SPECC1: variants seen among roughly 807,000 people sequenced by gnomAD.
SPECC1 encodes sperm antigen with calponin homology and coiled-coil domains 1.
SPECC1 carries 62 observed loss-of-function variants against 104.1 expected under a neutral mutation model. The observed-to-expected ratio is 0.60, with a 90% CI of 0.49 to 0.74. The LOEUF is 0.74. SPECC1 is among the 30% of genes least tolerant of loss of function. SPECC1 has a pLI of 0.00. For synonymous variants in SPECC1, 513 were observed against 501.6 expected, an observed-to-expected ratio of 1.02 and a Z score of -0.30; for missense variants, 1,306 against 1,310.5, an observed-to-expected ratio of 1.00 and a Z score of 0.05.
rs143442970 is a variant in SPECC1, at chr17:20,232,208, C to T, written c.2154C>T (p.Thr718=). Residue 718 remains threonine, a synonymous_variant, in exon 7 of 15, where the codon ACC becomes ACT. Coordinates refer to ENST00000395527, the MANE Select transcript of SPECC1 (RefSeq NM_001243439.2). ...GGCTCTGACATTTTCAGGAGGAGAC[C>T]GAGGAATGGAGGCGGTTCCAGGCGG... ...KTLTKQMKEE[T]EEWRRFQADL... is the part of the protein sequence containing the mutation. 9.9e-6 allele frequency: 16 copies of T among 1,613,922 alleles called. No homozygotes were observed. The highest frequency in any genetic ancestry group is 8.9e-5 in the East Asian group (4 of 44,852).
intron 2 of SPECC1, among the ~76,000 whole-genome samples, chr17:20,099,709 A>AAC (rs2047841660): frequency 1.3e-5 from 2 of 148,808 alleles, no homozygotes; most frequent in African/African-American, 2.5e-5. Context: ...AAAAAAAAAA[A>AAC]AAAAAAAAAA....
intron 1 of SPECC1, among the ~76,000 whole-genome samples, chr17:20,020,304 T>C (rs1298472177): frequency 6.6e-6 from 1 of 152,212 alleles, no homozygotes; most frequent in Non-Finnish European, 1.5e-5. Context: ...CTAGTCAGCC[T>C]GGATCTAGTT....
intron 3 of SPECC1, among the ~76,000 whole-genome samples, chr17:20,123,127 G>A (rs1438392423): frequency 2.0e-5 from 3 of 152,178 alleles, no homozygotes; most frequent in African/African-American, 7.2e-5. Context: ...GAGTGAACGT[G>A]GATCTCTTCT....
At chr17:20,309,375 T>A (rs1234476455) in intron 14 of SPECC1, among the ~76,000 whole-genome samples, 3 of 152,210 alleles carry the variant, frequency 2.0e-5, no homozygotes, top group Non-Finnish European at 4.4e-5. Flanking sequence ...GGGTATAACA[T>A]ATTAGGATGA....
At chr17:20,261,285 G>C (rs895258429) in intron 12 of SPECC1, among the ~76,000 whole-genome samples, 2 of 151,942 alleles carry the variant, frequency 1.3e-5, no homozygotes, top group Non-Finnish European at 2.9e-5. Flanking sequence ...GGCAGATCAC[G>C]AGGTCAGGAG....
At chr17:20,156,297 T>G in intron 3 of SPECC1, 36 of 1,285,302 alleles carry the variant, frequency 2.8e-5, no homozygotes, top group Middle Eastern at 2.9e-4. Context: ...CCAGGCGCCC[T>G]TCCCCCACCG....
chr17:20,010,642 GCCTCTT>G (rs2043910177), intron 1 of SPECC1, among the ~76,000 whole-genome samples: 1 of 152,182 alleles, frequency 6.6e-6, no homozygotes, highest in African/African-American at 2.4e-5. Context: ...TGATTCGTTT[GCCTCTT>G]CCAAGTAGGT....
At chr17:20,294,983 C>T (rs2041298875) in intron 12 of SPECC1, among the ~76,000 whole-genome samples, 1 of 151,302 alleles carries the variant, frequency 6.6e-6, no homozygotes, top group Non-Finnish European at 1.5e-5. Flanking sequence ...CTTATGTTGC[C>T]TTACTGAAAA....
chr17:20,078,176 G>T (rs1166189144), intron 1 of SPECC1, among the ~76,000 whole-genome samples: 1 of 150,406 alleles, frequency 6.6e-6, no homozygotes, highest in East Asian at 2.0e-4. Context: ...AATCTTGGGA[G>T]ACAGGAAAGG....
chr17:20,136,188 G>A (rs1052941839), intron 3 of SPECC1, among the ~76,000 whole-genome samples: 1 of 152,144 alleles, frequency 6.6e-6, no homozygotes, highest in Non-Finnish European at 1.5e-5. Context: ...CACTTTGGGA[G>A]GCCAAGGCAG....
At chr17:20,128,100 G>GT (rs1309368438) in intron 3 of SPECC1, among the ~76,000 whole-genome samples, 1 of 152,222 alleles carries the variant, frequency 6.6e-6, no homozygotes, top group Non-Finnish European at 1.5e-5. Context: ...ATATCAGTGT[G>GT]TAAGTGCTGG....
intron 10 of SPECC1, among the ~76,000 whole-genome samples, chr17:20,254,313 A>G (rs1307605781): frequency 1.3e-5 from 2 of 152,132 alleles, no homozygotes; most frequent in Admixed American, 6.5e-5. Flanking sequence ...GCCCTCAAGA[A>G]GGGACACGTG....
intron 1 of SPECC1, among the ~76,000 whole-genome samples, chr17:20,093,066 A>C (rs2047474712): frequency 6.6e-6 from 1 of 152,224 alleles, no homozygotes; most frequent in African/African-American, 2.4e-5. Flanking sequence ...AAGTTTCCCC[A>C]CCTGTGAAAT....
At chr17:20,163,989 C>G (rs181109375) in intron 3 of SPECC1, among the ~76,000 whole-genome samples, 1 of 152,252 alleles carries the variant, frequency 6.6e-6, no homozygotes. Context: ...TTTAATAGAT[C>G]CAATTCTCAT....
chr17:20,215,705 G>C (rs997081067), intron 4 of SPECC1, among the ~76,000 whole-genome samples: 6 of 152,186 alleles, frequency 3.9e-5, no homozygotes, highest in African/African-American at 1.4e-4. Context: ...TGAAATGTTT[G>C]AGCCGCATTT....
At chr17:20,149,341 T>C (rs939530802) in intron 3 of SPECC1, among the ~76,000 whole-genome samples, 3 of 152,200 alleles carry the variant, frequency 2.0e-5, no homozygotes, top group African/African-American at 7.2e-5. Flanking sequence ...GTCAGGGAAC[T>C]TGGATTTCGG....
At chr17:20,068,715 G>T (rs1383429569) in intron 1 of SPECC1, among the ~76,000 whole-genome samples, 1 of 152,188 alleles carries the variant, frequency 6.6e-6, no homozygotes, top group East Asian at 1.9e-4. Flanking sequence ...AGTGGCTTTG[G>T]TTTGCATAAT....
chr17:20,012,383 G>A (rs1394016565), intron 1 of SPECC1, among the ~76,000 whole-genome samples: 1 of 151,638 alleles, frequency 6.6e-6, no homozygotes, highest in East Asian at 1.9e-4. Context: ...AGGGGTTTTT[G>A]TACTATTTCT....
intron 1 of SPECC1, among the ~76,000 whole-genome samples, chr17:20,039,691 A>G (rs995193982): frequency 1.3e-5 from 2 of 151,942 alleles, no homozygotes; most frequent in Admixed American, 6.6e-5. Flanking sequence ...AGTAGTTGGG[A>G]CTACAGGCGT....
Sources: allele counts gnomAD v4.1 joint callset (sites outside exome capture counted in the v4.1 genomes callset), GRCh38; gene constraint gnomAD v4.1.1; transcripts MANE v1.5; gene names NCBI Gene and HGNC (gene_info 2026-07-23, HGNC 2026-07-21).